Variants in RGS12 observed in about 807,000 individuals in gnomAD.
The protein encoded by RGS12 is regulator of G protein signaling 12, also known as regulator of G-protein signaling 12.
In RGS12, 66 loss-of-function variants were observed where a neutral mutation model predicts 120.1. The ratio of observed to expected loss-of-function variants is 0.55; its 90% confidence interval spans 0.45 to 0.67. RGS12 has a LOEUF of 0.67. RGS12 is among the 30% of genes least tolerant of loss of function. The pLI, the probability that RGS12 is intolerant of heterozygous loss-of-function variation, is 0.00. For synonymous variants in RGS12, 827 were observed against 804.7 expected, an observed-to-expected ratio of 1.03 and a Z score of -0.47; for missense variants, 1,859 against 1,957.7, an observed-to-expected ratio of 0.95 and a Z score of 0.95.
At chr4:3,295,100 C>T (rs1021248988) in intron 1 of RGS12, among the ~76,000 whole-genome samples, 5 of 152,002 alleles carry the variant, frequency 3.3e-5, no homozygotes, top group East Asian at 1.9e-4. Context: ...GTGGCCAGGC[C>T]GAGGAGACCT....
At chr4:3,381,945 T>C (rs1267547148) in intron 3 of RGS12, among the ~76,000 whole-genome samples, 4 of 152,224 alleles carry the variant, frequency 2.6e-5, no homozygotes, top group Non-Finnish European at 5.9e-5. Flanking sequence ...CTGTGTAAAC[T>C]GGGGTCCAGC....
intron 3 of RGS12, among the ~76,000 whole-genome samples, chr4:3,347,215 T>C (rs1297665630): frequency 2.0e-5 from 3 of 152,020 alleles, no homozygotes; most frequent in Non-Finnish European, 4.4e-5. Context: ...GAGGCTGAGG[T>C]GGGCGGATCA....
chr4:3,417,292 T>C, intron 8 of RGS12, 96 bp from the exon 9 acceptor site: 1 of 1,378,184 alleles, frequency 7.3e-7, no homozygotes, highest in East Asian at 2.5e-5. Flanking sequence ...TCCCATAGAG[T>C]GCTTGTGTTT....
rs1724237812 is a variant in RGS12, at chr4:3,430,974, C to T, written c.4114+19C>T. 3 of 1,610,454 alleles carry T rather than the reference C, an allele frequency of 1.9e-6. No individual in the cohort carries two copies. Among genetic ancestry groups the T allele is most frequent in the Non-Finnish European group, 2.5e-6 (3 of 1,179,728 alleles). ...AGACCAGGTACCTCCAGGTTCTGAT[C>T]CCTCCACCTTGGCCCCGTAAGCGTG... is the stretch of plus-strand genomic sequence containing the variant. On this transcript the variant is annotated intron_variant, in intron 17 of 17. Coordinates refer to ENST00000336727, the MANE Select transcript of RGS12 (RefSeq NM_001394154.1).
chr4:3,323,270 T>A (rs1431408038), intron 2 of RGS12, among the ~76,000 whole-genome samples: 1 of 152,200 alleles, frequency 6.6e-6, no homozygotes, highest in Non-Finnish European at 1.5e-5. Flanking sequence ...TGGTGGGTGC[T>A]CATCATCTCA....
intron 1 of RGS12, among the ~76,000 whole-genome samples, chr4:3,311,932 CAG>C (rs1724428243): frequency 6.6e-6 from 1 of 152,194 alleles, no homozygotes; most frequent in Non-Finnish European, 1.5e-5. Context: ...ATCTGTGCCT[CAG>C]GGCTTGGATG....
intron 1 of RGS12, among the ~76,000 whole-genome samples, chr4:3,295,773 T>C (rs1356720357): frequency 6.6e-6 from 1 of 151,560 alleles, no homozygotes; most frequent in Non-Finnish European, 1.5e-5. Flanking sequence ...ACTTAACACA[T>C]GCAGGGCTTC....
At chr4:3,402,864 T>C (rs1051631720) in intron 4 of RGS12, among the ~76,000 whole-genome samples, 1 of 152,226 alleles carries the variant, frequency 6.6e-6, no homozygotes, top group Non-Finnish European at 1.5e-5. Context: ...GTAAGCATAA[T>C]AAATGAAGTC....
rs141667874 is a variant in RGS12, at chr4:3,410,293, G to A, written c.2021-3779G>A. Among the ~76,000 whole-genome samples the A allele has an allele frequency of 3.0e-3, 461 of 152,354 alleles. 7 individuals are homozygous for A. Among genetic ancestry groups the A allele is most frequent in the African/African-American group, 0.011 (447 of 41,592 alleles). On this transcript the variant is annotated intron_variant, in intron 4 of 17. Coordinates refer to ENST00000336727, the MANE Select transcript of RGS12 (RefSeq NM_001394154.1). ...ATTTTTTAATTTATTTTCATTTTCTGTAGAGATAGGGTCTCACTGTGTTGC... is the reference window on the plus strand; with the variant it reads ...ATTTTTTAATTTATTTTCATTTTCTATAGAGATAGGGTCTCACTGTGTTGC...
At chr4:3,343,849 A>G (rs1039674486) in intron 3 of RGS12, among the ~76,000 whole-genome samples, 3 of 152,202 alleles carry the variant, frequency 2.0e-5, no homozygotes, top group African/African-American at 7.2e-5. Context: ...GCTGTATTCT[A>G]TGTCTTCTTA....
chr4:3,374,725 C>T lies in RGS12; in HGVS notation c.1999-11691C>T, dbSNP rs1228694538. On this transcript the variant is annotated intron_variant, in intron 3 of 17. Transcript: ENST00000336727. The surrounding 1 kb of genome is among the most constrained non-coding windows in gnomAD (Gnocchi z 6.3). ...TTACACTTTCTCACCCCCATTGCTG[C>T]AGCCTGCCCTCGTCCCCATCTCTTG... 1.3e-5 allele frequency among the ~76,000 whole-genome samples: 2 copies of T among 151,982 alleles called. No individual in the cohort carries two copies. Among genetic ancestry groups the T allele is most frequent in the Admixed American group, 6.5e-5 (1 of 15,268 alleles).
chr4:3,365,479 G>A lies in RGS12; in HGVS notation c.1999-20937G>A, dbSNP rs915155529. Among the ~76,000 whole-genome samples the A allele has an allele frequency of 4.6e-5, 7 of 152,104 alleles. No homozygotes were observed. Among genetic ancestry groups the A allele is most frequent in the African/African-American group, 7.2e-5 (3 of 41,406 alleles). ...TTGCCTTGATTCCATCTTGAGGCCT[G>A]TACTGTGATCTTGCCCATCCAGAGC... On this transcript the variant is annotated intron_variant, in intron 3 of 17. Transcript: ENST00000336727. The surrounding 1 kb of genome is among the most constrained non-coding windows in gnomAD (Gnocchi z 4.0).
At chr4:3,305,917 C>T (rs1723947985) in intron 1 of RGS12, among the ~76,000 whole-genome samples, 1 of 152,214 alleles carries the variant, frequency 6.6e-6, no homozygotes, top group Admixed American at 6.5e-5. Context: ...TTTCCGGGTC[C>T]AGCACCCACT....
At chr4:3,294,025 A>ACAGAGCCATGGAGT (rs1333643525) in intron 1 of RGS12, among the ~76,000 whole-genome samples, 1 of 22,338 alleles carries the variant, frequency 4.5e-5, no homozygotes, top group Admixed American at 5.1e-4. Context: ...GTGTGGACAG[A>ACAGAGCCATGGAGT]GAGGACCACC....
At chr4:3,358,881 C>A (rs1007804981) in intron 3 of RGS12, among the ~76,000 whole-genome samples, 2 of 116,454 alleles carry the variant, frequency 1.7e-5, no homozygotes, top group African/African-American at 6.6e-5. Context: ...CCCCTTCTCT[C>A]CTTCCTCCCC....
At chr4:3,334,922 T>G (rs1046073686) in intron 2 of RGS12, among the ~76,000 whole-genome samples, 6 of 152,292 alleles carry the variant, frequency 3.9e-5, no homozygotes, top group South Asian at 2.1e-4. Flanking sequence ...GTGAATCCAC[T>G]TTTTCTAGGT....
At chr4:3,364,997 TCCTGCACCCAGGGCAGAA>T (rs1452295166) in intron 3 of RGS12, among the ~76,000 whole-genome samples, 1 of 152,036 alleles carries the variant, frequency 6.6e-6, no homozygotes, top group Non-Finnish European at 1.5e-5. Flanking sequence ...GGATGGAGCC[TCCTGCACCCAGGGCAGAA>T]GCTGCACCTT....
chr4:3,432,002 G>C (rs961567676), intron 17 of RGS12: 6 of 985,344 alleles, frequency 6.1e-6, no homozygotes, highest in Admixed American at 6.1e-5. Context: ...TTCACAGCCA[G>C]GACACGCCTG....
At chr4:3,330,174 G>A (rs1193262271) in intron 2 of RGS12, among the ~76,000 whole-genome samples, 1 of 152,174 alleles carries the variant, frequency 6.6e-6, no homozygotes, top group Non-Finnish European at 1.5e-5. Flanking sequence ...TTTGTACTCT[G>A]AGAGCTGCAT....
Sources: gnomAD v4.1 joint callset for allele counts (sites outside exome capture counted in the v4.1 genomes callset) on GRCh38, gnomAD v4.1.1 for gene constraint, Gnocchi (gnomAD v3.1) non-coding constraint, MANE v1.5 for transcripts, NCBI Gene and HGNC (gene_info 2026-07-23, HGNC 2026-07-21) for gene names.